The following SPDEF variants were observed in gnomAD, a reference collection of about 807,000 sequenced individuals.
SPDEF encodes the protein SAM pointed domain containing ETS transcription factor, also known as SAM pointed domain-containing Ets transcription factor.
Under a neutral mutation model 36.0 loss-of-function variants are expected in SPDEF, and 12 were observed. The observed-to-expected ratio is 0.33, with a 90% confidence interval of 0.21 to 0.54. The LOEUF (loss-of-function observed/expected upper bound fraction) is 0.54. Among genes scored for constraint, SPDEF ranks in the 20% least tolerant of loss-of-function variants. SPDEF has a pLI of 0.93. For missense variants in SPDEF, 388 were observed against 456.9 expected (o/e 0.85, Z 1.37); for synonymous variants, 205 against 193.0 (o/e 1.06, Z -0.51).
In SPDEF at chr6:34,538,190, T is replaced by G. The variant is rs1767734608; in HGVS notation, c.*84A>C. 2.8e-6 allele frequency: 4 copies of G among 1,452,054 alleles called. No individual in the cohort carries two copies. Among genetic ancestry groups the G allele is most frequent in the Non-Finnish European group, 3.8e-6 (4 of 1,058,616 alleles). The allele number at this position is 1,452,054 out of a possible 1,614,324, so 89.9% of individuals were successfully genotyped here. On this transcript the variant is annotated 3_prime_UTR_variant, in exon 6 of 6. Transcript: ENST00000374037. The surrounding 1 kb of genome is among the most constrained non-coding windows in gnomAD (Gnocchi z 5.9). The stretch of plus-strand genomic sequence containing the variant: ...CAGAGCAGCAGAGCAGACTGCCCGT[T>G]TTCCCCCATCTCAGGGCCTGGCTGA...
At chr6:34,540,517 G>A (rs1441936104) in intron 3 of SPDEF, among the ~76,000 whole-genome samples, 1 of 151,996 alleles carries the variant, frequency 6.6e-6, no homozygotes, top group Non-Finnish European at 1.5e-5. Flanking sequence ...GTTCCCTCTA[G>A]GGAGGGGATT....
chr6:34,541,705 TA>T (rs1767826278), intron 2 of SPDEF, among the ~76,000 whole-genome samples: 1 of 152,190 alleles, frequency 6.6e-6, no homozygotes, highest in African/African-American at 2.4e-5. Context: ...CTCCACGGAA[TA>T]AAGGGCTAGA....
chr6:34,541,687 C>T (rs1344386575), intron 2 of SPDEF, among the ~76,000 whole-genome samples: 1 of 152,242 alleles, frequency 6.6e-6, no homozygotes, highest in East Asian at 1.9e-4. Context: ...GCACTCCATC[C>T]CCTTGTCCTC....
intron 1 of SPDEF, among the ~76,000 whole-genome samples, chr6:34,553,725 G>A (rs76278153): frequency 0.036 from 5,504 of 152,044 alleles, 306 homozygotes; most frequent in African/African-American, 0.12. Flanking sequence ...AGGAAGAAGC[G>A]GAAGGTGATG....
Position 34,544,442 on chromosome 6 carries a change from C to T in SPDEF, c.14G>A (p.Ser5Asn), listed in dbSNP as rs1430735092. 7.7e-6 allele frequency: 12 copies of T among 1,555,468 alleles called. No individual in the cohort carries two copies. The highest frequency in any genetic ancestry group is 2.3e-5 in the East Asian group (1 of 44,024). MGSA[S>N]PGLSSVSPSH... The stretch of plus-strand genomic sequence containing the variant: ...GGGGGATACGCTGCTCAGACCCGGG[C>T]TGGCGCTGCCCATGCCGCTGCTGTT... The change falls in exon 2 of 6, where the codon AGC becomes AAC. Residue 5 changes from serine (S) to asparagine (N), a missense_variant. Transcript: ENST00000374037. The surrounding 1 kb of genome is among the most constrained non-coding windows in gnomAD (Gnocchi z 4.4).
chr6:34,542,384 C>T (rs778611685), intron 2 of SPDEF, among the ~76,000 whole-genome samples: 10 of 152,262 alleles, frequency 6.6e-5, no homozygotes, highest in Admixed American at 2.6e-4. Flanking sequence ...TCCATAATCA[C>T]GCCTTCCAGG....
At chr6:34,548,370 C>T (rs1484619289) in intron 1 of SPDEF, among the ~76,000 whole-genome samples, 1 of 152,156 alleles carries the variant, frequency 6.6e-6, no homozygotes, top group South Asian at 2.1e-4. Context: ...AAGTCTGTCC[C>T]CACCTCTTGG....
Position 34,556,017 on chromosome 6 carries a change from G to T in SPDEF, c.-118C>A, listed in dbSNP as rs1158911589. The T allele has an allele frequency of 6.5e-6, 1 of 152,710 alleles. No homozygotes were observed. The allele number at this position is 152,710 out of a possible 1,614,324, so 9.5% of individuals were successfully genotyped here. On this transcript the variant is annotated 5_prime_UTR_variant, in exon 1 of 6. Transcript: ENST00000374037. ...GGTGTGGGCAGCTGAGGCCACTGGC[G>T]TGTCTCAGCCAGGCATCTGGGGGGC...
At position 34,544,026 on chromosome 6, in the gene SPDEF, T is replaced by A. The variant is rs1373253370; in HGVS notation, c.430A>T (p.Thr144Ser). 6.2e-7 allele frequency: 1 copy of A among 1,609,460 alleles called. No individual in the cohort carries two copies. The highest frequency in any genetic ancestry group is 1.7e-5 in the Admixed American group (1 of 58,406). ...GCACATGGAGAGGGCTCACCTGCGG[T>A]GATGTTGAGCAGCTTGCAGGCCGTC... is the stretch of plus-strand genomic sequence containing the variant. ...IETACKLLNI[T>S]ADPMDWSPSN... The change falls in exon 2 of 6, where the codon ACC becomes TCC. Residue 144 changes from threonine (T) to serine (S), a missense_variant. By Grantham distance (58) the Thr-to-Ser change is moderately conservative. Around this residue, in one of 2 missense-constraint regions of SPDEF, gnomAD observed 308 missense variants for 326.1 expected, o/e 0.94. Transcript: ENST00000374037. The surrounding 1 kb of genome is among the most constrained non-coding windows in gnomAD (Gnocchi z 4.4).
chr6:34,543,162 C>T (rs1338825284), intron 2 of SPDEF, among the ~76,000 whole-genome samples: 1 of 115,138 alleles, frequency 8.7e-6, no homozygotes. Context: ...CACCACTGCA[C>T]TGCAGCCTGG....
At chr6:34,540,706 C>T (rs1373607274) in intron 3 of SPDEF, among the ~76,000 whole-genome samples, 1 of 152,188 alleles carries the variant, frequency 6.6e-6, no homozygotes, top group Non-Finnish European at 1.5e-5. Flanking sequence ...CGGTTGTCCC[C>T]AGCTCTGACA....
In SPDEF at chr6:34,539,474, C is replaced by T. The variant is rs370909179; in HGVS notation, c.682+41G>A. The T allele has an allele frequency of 1.8e-4, 278 of 1,582,600 alleles. No homozygotes were observed. The African/African-American group carries it at 3.4e-3, about 19-fold the overall frequency. On this transcript the variant is annotated intron_variant, in intron 4 of 5. Coordinates refer to ENST00000374037, the MANE Select transcript of SPDEF (RefSeq NM_012391.3). The surrounding 1 kb of genome is among the most constrained non-coding windows in gnomAD (Gnocchi z 5.2). Reference sequence around the variant, plus strand: ...TTCATTGGCAGCCACCCCTCCACCCCACCCGAGCCCCCGCCTCCACCCTGC... The same window carrying T: ...TTCATTGGCAGCCACCCCTCCACCCTACCCGAGCCCCCGCCTCCACCCTGC...
intron 1 of SPDEF, among the ~76,000 whole-genome samples, chr6:34,554,704 G>A (rs1768129801): frequency 6.6e-6 from 1 of 152,260 alleles, no homozygotes; most frequent in African/African-American, 2.4e-5. Context: ...CAGGTGGGTG[G>A]AGGGAAGCTC....
rs1767780599 is a variant in SPDEF at position 34,539,828 on chromosome 6, G to T, written c.635-266C>A. The stretch of plus-strand genomic sequence containing the variant: ...TCAGATGAGGACATCTGACATGGGG[G>T]CTTGCCTGGGCTGGGGCGGGGCACT... On this transcript the variant is annotated intron_variant, in intron 3 of 5. Coordinates refer to ENST00000374037, the MANE Select transcript of SPDEF (RefSeq NM_012391.3). This position sits in a 1 kb window ranked among gnomAD's most constrained non-coding sequence, Gnocchi z 5.2. Among the ~76,000 whole-genome samples the T allele has an allele frequency of 6.6e-6, 1 of 152,230 alleles. No individual in the cohort carries two copies. The highest frequency in any genetic ancestry group is 2.4e-5 in the African/African-American group (1 of 41,460).
At chr6:34,554,912 G>A (rs937332383) in intron 1 of SPDEF, among the ~76,000 whole-genome samples, 3 of 152,182 alleles carry the variant, frequency 2.0e-5, no homozygotes, top group African/African-American at 4.8e-5. Context: ...TCCCAGCCCT[G>A]GCCGAGGAGG....
Position 34,544,305 on chromosome 6 carries a change from G to T in SPDEF, c.151C>A (p.Pro51Thr). 1 of 1,611,136 alleles carries T rather than the reference G, an allele frequency of 6.2e-7. No individual in the cohort carries two copies. The highest frequency in any genetic ancestry group is 8.5e-7 in the Non-Finnish European group (1 of 1,179,818). The change falls in exon 2 of 6, where the codon CCC becomes ACC. Residue 51 changes from proline (P) to threonine (T), a missense_variant. By Grantham distance (38) the Pro-to-Thr change is conservative (BLOSUM62 -1). This residue lies in a region of SPDEF where 308 missense variants were observed against 326.1 expected (regional missense o/e 0.94). Coordinates refer to ENST00000374037, the MANE Select transcript of SPDEF (RefSeq NM_012391.3). This position sits in a 1 kb window ranked among gnomAD's most constrained non-coding sequence, Gnocchi z 4.4. Reference sequence around the variant, plus strand: ...TAGAAGGCGGACAGGCCCTGCTCGGGCGTGGCGGGTGGACTGGGACTCCAG... The same window carrying T: ...TAGAAGGCGGACAGGCCCTGCTCGGTCGTGGCGGGTGGACTGGGACTCCAG... The part of the protein sequence containing the change: ...RDWSPSPPAT[P>T]EQGLSAFYLS...
Position 34,544,503 on chromosome 6 carries a change from A to G in SPDEF, c.-29-19T>C. The G allele has an allele frequency of 1.4e-6, 2 of 1,477,822 alleles. No homozygotes were observed. The highest frequency in any genetic ancestry group is 2.4e-5 in the East Asian group (1 of 42,058). 91.5% of individuals were successfully genotyped at this position (1,477,822 alleles called of 1,614,324 possible). A position where few individuals can be genotyped will look rare whatever the true frequency, so the allele number is the denominator to read the frequency against. On this transcript the variant is annotated intron_variant, in intron 1 of 5. Transcript: ENST00000374037. This position sits in a 1 kb window ranked among gnomAD's most constrained non-coding sequence, Gnocchi z 4.4. Reference sequence around the variant, plus strand: ...GCTGTGTCTACGGAAATGAAAGAGGACTCAGGTTTGACTGCTTCTCCATCC... The same window carrying G: ...GCTGTGTCTACGGAAATGAAAGAGGGCTCAGGTTTGACTGCTTCTCCATCC...
intron 1 of SPDEF, among the ~76,000 whole-genome samples, chr6:34,554,341 C>G (rs896372266): frequency 3.3e-5 from 5 of 152,180 alleles, no homozygotes; most frequent in African/African-American, 9.7e-5. Context: ...TTCTGAGCAT[C>G]GACTGAGCAC....
intron 2 of SPDEF, among the ~76,000 whole-genome samples, chr6:34,542,320 G>A (rs894098294): frequency 5.3e-5 from 8 of 152,326 alleles, no homozygotes; most frequent in South Asian, 2.1e-4. Context: ...CTGGAGAGGC[G>A]ACAGCAGGAC....
Sources: gnomAD v4.1 joint callset for allele counts (sites outside exome capture counted in the v4.1 genomes callset) on GRCh38, gnomAD v4.1.1 for gene constraint, gnomAD v4.1.1 regional missense constraint, Gnocchi (gnomAD v3.1) non-coding constraint, MANE v1.5 for transcripts, NCBI Gene and HGNC (gene_info 2026-07-23, HGNC 2026-07-21) for gene names.